STMN2: variants seen among roughly 807,000 people sequenced by gnomAD.
The protein encoded by STMN2 is stathmin-2.
STMN2 carries 2 observed loss-of-function variants against 24.1 expected under a neutral mutation model. The ratio of observed to expected loss-of-function variants is 0.08; its 90% CI spans 0.03 to 0.26. The LOEUF (loss-of-function observed/expected upper bound fraction) is 0.26. Ranked by LOEUF, STMN2 falls within the 10% of genes least tolerant of loss-of-function variation. The pLI is 1.00. For missense variants in STMN2, 114 were observed against 213.6 expected (o/e 0.53, Z 2.91); for synonymous variants, 83 against 77.5 (o/e 1.07, Z -0.37).
At chr8:79,646,345 T>C (rs1810217432) in intron 3 of STMN2, among the ~76,000 whole-genome samples, 1 of 151,710 alleles carries the variant, frequency 6.6e-6, no homozygotes, top group Non-Finnish European at 1.5e-5. Flanking sequence ...ACACAGCATA[T>C]TAGATGATGC....
chr8:79,611,281 C>G, intron 1 of STMN2, 67 bp downstream of exon 1: 1 of 1,588,114 alleles, frequency 6.3e-7, no homozygotes, highest in South Asian at 1.1e-5. Context: ...CTCTCTTGAG[C>G]TCTAGAAGCA....
At chr8:79,657,593 C>T (rs2130391260) in intron 4 of STMN2, among the ~76,000 whole-genome samples, 1 of 152,298 alleles carries the variant, frequency 6.6e-6, no homozygotes, top group African/African-American at 2.4e-5. Flanking sequence ...TATCCCACGT[C>T]ACATAATGCA....
intron 4 of STMN2, chr8:79,663,781 T>C (rs1481652492): frequency 1.3e-6 from 1 of 752,456 alleles, no homozygotes; most frequent in East Asian, 2.9e-5. Flanking sequence ...ATTTTAGTCA[T>C]CTGATGTATA....
chr8:79,635,922 A>G (rs2130346323), intron 1 of STMN2, among the ~76,000 whole-genome samples: 1 of 152,196 alleles, frequency 6.6e-6, no homozygotes, highest in Non-Finnish European at 1.5e-5. Context: ...AAAAAAAAAG[A>G]AAGAAAGAAA....
intron 4 of STMN2, among the ~76,000 whole-genome samples, chr8:79,662,403 C>T (rs1408607712): frequency 6.6e-6 from 1 of 151,964 alleles, no homozygotes; most frequent in Non-Finnish European, 1.5e-5. Flanking sequence ...CTTTAGGAAC[C>T]TCTAGATTCA....
intron 2 of STMN2, among the ~76,000 whole-genome samples, chr8:79,640,908 C>T (rs1047567856): frequency 2.0e-5 from 3 of 152,074 alleles, no homozygotes; most frequent in Non-Finnish European, 2.9e-5. Context: ...TGCATATATA[C>T]GCATATCTAG....
intron 4 of STMN2, among the ~76,000 whole-genome samples, chr8:79,659,472 A>G (rs1806452584): frequency 6.6e-6 from 1 of 152,162 alleles, no homozygotes; most frequent in South Asian, 2.1e-4. Context: ...TCCTCCCCTG[A>G]TGTGTCCCTT....
chr8:79,663,603 A>T (rs1324967013), intron 4 of STMN2: 1 of 1,529,874 alleles, frequency 6.5e-7, no homozygotes, highest in East Asian at 2.5e-5. Context: ...TTTCTTCTGA[A>T]CTAAAAGAAT....
At chr8:79,654,751 T>TA in intron 3 of STMN2, 120 bp from the exon 4 acceptor site, 2 of 1,127,940 alleles carry the variant, frequency 1.8e-6, no homozygotes, top group Non-Finnish European at 2.5e-6. Flanking sequence ...GACTTGACAA[T>TA]AGTGCTCAAG....
At chr8:79,659,463 C>T (rs1806452106) in intron 4 of STMN2, among the ~76,000 whole-genome samples, 1 of 152,148 alleles carries the variant, frequency 6.6e-6, no homozygotes, top group Non-Finnish European at 1.5e-5. Flanking sequence ...ACATTTTCTT[C>T]CTCCCCTGAT....
chr8:79,659,850 G>T (rs1350685042), intron 4 of STMN2, among the ~76,000 whole-genome samples: 1 of 149,878 alleles, frequency 6.7e-6, no homozygotes, highest in Non-Finnish European at 1.5e-5. Flanking sequence ...AATTGAGTAG[G>T]GACTAAAGAC....
At chr8:79,653,247 C>A (rs564790262) in intron 3 of STMN2, among the ~76,000 whole-genome samples, 1 of 152,062 alleles carries the variant, frequency 6.6e-6, no homozygotes, top group Non-Finnish European at 1.5e-5. Flanking sequence ...TGTGGTAGCA[C>A]ACACCTGTAA....
intron 1 of STMN2, among the ~76,000 whole-genome samples, chr8:79,625,761 C>T (rs187041682): frequency 6.6e-6 from 1 of 152,120 alleles, no homozygotes; most frequent in East Asian, 1.9e-4. Flanking sequence ...AGTTCGAGAC[C>T]AGCCTGGACA....
intron 1 of STMN2, among the ~76,000 whole-genome samples, chr8:79,619,016 C>T (rs914301452): frequency 6.6e-6 from 1 of 151,004 alleles, no homozygotes; most frequent in African/African-American, 2.4e-5. Context: ...TCATAGAGCA[C>T]ATTTAAAATA....
At chr8:79,611,950 G>A (rs2130283825) in intron 1 of STMN2, among the ~76,000 whole-genome samples, 1 of 151,196 alleles carries the variant, frequency 6.6e-6, no homozygotes, top group East Asian at 2.0e-4. Flanking sequence ...AGGGACAGCG[G>A]CTTCGAAGGC....
intron 4 of STMN2, chr8:79,663,522 C>A (rs1806541633): frequency 1.7e-6 from 2 of 1,145,394 alleles, no homozygotes; most frequent in East Asian, 2.6e-5. Context: ...TATAAAGAAC[C>A]CTATAAGTGT....
chr8:79,618,116 GAT>G (rs1387617017), intron 1 of STMN2, among the ~76,000 whole-genome samples: 1 of 152,196 alleles, frequency 6.6e-6, no homozygotes, highest in East Asian at 1.9e-4. Context: ...TCACACCTGT[GAT>G]ATCACCATTT....
chr8:79,648,207 C>T (rs1810255902), intron 3 of STMN2, among the ~76,000 whole-genome samples: 3 of 152,140 alleles, frequency 2.0e-5, no homozygotes, highest in Non-Finnish European at 2.9e-5. Context: ...ACTTAATCTC[C>T]GTATGTCCTC....
Position 79,654,948 on chromosome 8 carries a change from G to A in STMN2, c.366G>A (p.Glu122=). 6.2e-7 allele frequency: 1 copy of A among 1,613,986 alleles called. No individual in the cohort carries two copies. Among genetic ancestry groups the A allele is most frequent in the South Asian group, 1.1e-5 (1 of 91,074 alleles). ...GAGAAGTCCTTCAGAAGGCTTTGGA[G>A]GAGAACAACAACTTCAGCAAGATGG... ...HEREVLQKAL[E]ENNNFSKMAE... Residue 122 remains glutamate (E), a synonymous_variant, in exon 4 of 5, where the codon GAG becomes GAA. Transcript: ENST00000220876.
Sources: allele counts gnomAD v4.1 joint callset (sites outside exome capture counted in the v4.1 genomes callset), GRCh38; gene constraint gnomAD v4.1.1; transcripts MANE v1.5; gene names NCBI Gene and HGNC (gene_info 2026-07-23, HGNC 2026-07-21).